Variants in CPQ observed in about 807,000 individuals in gnomAD.
The protein encoded by CPQ is Ser-Met dipeptidase.
A neutral mutation model predicts 45.7 loss-of-function variants in CPQ; 37 were observed. The observed-to-expected ratio is 0.81, with a 90% confidence interval of 0.62 to 1.07. The LOEUF is 1.07. Among genes scored for constraint, CPQ ranks in the 50% least tolerant of loss-of-function variants. The pLI is 0.00. For synonymous variants in CPQ, 186 were observed against 205.8 expected (o/e 0.90, Z 0.82); for missense variants, 537 against 572.9 (o/e 0.94, Z 0.64).
chr8:96,649,131 A>G (rs1363438268), intron 1 of CPQ, among the ~76,000 whole-genome samples: 2 of 152,144 alleles, frequency 1.3e-5, no homozygotes, highest in Admixed American at 6.5e-5. Context: ...ACACACCACT[A>G]CAGCCTGGCT....
At position 96,744,455 on chromosome 8, in the gene CPQ, G is replaced by A. The variant is rs538084191; in HGVS notation, c.-34-40409G>A. ...CTGTCTTCTGCGTCGGTCATGCTGG[G>A]AGCTGTAGACCGGAGGTGTTCCTAT... On this transcript the variant is annotated intron_variant, in intron 1 of 7. Coordinates refer to ENST00000220763, the MANE Select transcript of CPQ (RefSeq NM_016134.4). 3.9e-5 allele frequency among the ~76,000 whole-genome samples: 6 copies of A among 152,310 alleles called. No homozygotes were observed. The South Asian group carries it at 1.2e-3, about 32-fold the overall frequency.
intron 5 of CPQ, among the ~76,000 whole-genome samples, chr8:96,991,019 T>A (rs1442666626): frequency 1.3e-5 from 2 of 152,140 alleles, no homozygotes; most frequent in Non-Finnish European, 1.5e-5. Flanking sequence ...TCTTTTCCCA[T>A]CCTAGTTTGT....
intron 4 of CPQ, among the ~76,000 whole-genome samples, chr8:96,938,026 C>T (rs1813077093): frequency 6.6e-6 from 1 of 152,176 alleles, no homozygotes; most frequent in Admixed American, 6.5e-5. Flanking sequence ...TTACATGACA[C>T]TTTCCTCTTA....
At chr8:96,801,031 A>G (rs542389080) in intron 2 of CPQ, among the ~76,000 whole-genome samples, 1 of 148,878 alleles carries the variant, frequency 6.7e-6, no homozygotes, top group South Asian at 2.1e-4. Flanking sequence ...GCTGGAGTGC[A>G]GTGGCATGAT....
At chr8:97,031,719 A>G (rs1809910903) in intron 6 of CPQ, among the ~76,000 whole-genome samples, 1 of 152,260 alleles carries the variant, frequency 6.6e-6, no homozygotes, top group Non-Finnish European at 1.5e-5. Context: ...TCACATAAAC[A>G]GAACTACTTT....
chr8:96,796,749 T>C (rs1810935291), intron 2 of CPQ, among the ~76,000 whole-genome samples: 1 of 152,194 alleles, frequency 6.6e-6, no homozygotes, highest in Admixed American at 6.5e-5. Context: ...TTGAGCTGTG[T>C]ATATGGATTG....
chr8:96,964,166 T>C (rs1813513615), intron 4 of CPQ, among the ~76,000 whole-genome samples: 1 of 115,218 alleles, frequency 8.7e-6, no homozygotes, highest in East Asian at 2.6e-4. Flanking sequence ...CTTTTTTGGT[T>C]AAAGTATACA....
chr8:96,800,390 T>G (rs1810990654), intron 2 of CPQ, among the ~76,000 whole-genome samples: 1 of 152,186 alleles, frequency 6.6e-6, no homozygotes, highest in Non-Finnish European at 1.5e-5. Flanking sequence ...TTGGTGGGTG[T>G]GAAGCATGGT....
intron 6 of CPQ, among the ~76,000 whole-genome samples, chr8:97,042,452 A>AG (rs1166378444): frequency 6.6e-6 from 1 of 151,994 alleles, no homozygotes; most frequent in East Asian, 1.9e-4. Flanking sequence ...GGATTCATTA[A>AG]TTTTTTGAAG....
At chr8:96,953,303 C>T (rs1366663046) in intron 4 of CPQ, among the ~76,000 whole-genome samples, 1 of 152,060 alleles carries the variant, frequency 6.6e-6, no homozygotes, top group Non-Finnish European at 1.5e-5. Context: ...GTTCCTTGCA[C>T]CTCTGCTTGA....
At chr8:96,710,121 G>T (rs1809587207) in intron 1 of CPQ, among the ~76,000 whole-genome samples, 2 of 152,016 alleles carry the variant, frequency 1.3e-5, no homozygotes, top group South Asian at 2.1e-4. Context: ...AGCTAGGAGG[G>T]TTGTATATTT....
intron 1 of CPQ, among the ~76,000 whole-genome samples, chr8:96,684,670 A>G (rs1302047306): frequency 6.6e-6 from 1 of 152,136 alleles, no homozygotes; most frequent in East Asian, 1.9e-4. Context: ...AGTGGCAGCA[A>G]GAGGGATGGG....
Position 97,043,270 on chromosome 8 carries a change from T to C in CPQ, c.1053+13776T>C, listed in dbSNP as rs1485109790. ...CTTCTTTGTCTCTTTTGATCTTTGTTGGTTTAAAGTCTGTTTTATCAGAGA... is the reference window on the plus strand; with the variant it reads ...CTTCTTTGTCTCTTTTGATCTTTGTCGGTTTAAAGTCTGTTTTATCAGAGA... On this transcript the variant is annotated intron_variant, in intron 6 of 7. Transcript: ENST00000220763. 2.6e-5 allele frequency among the ~76,000 whole-genome samples: 4 copies of C among 151,768 alleles called. No homozygotes were observed. The East Asian group carries it at 7.7e-4, about 29-fold the overall frequency.
In CPQ at chr8:96,989,857, G is replaced by A. The variant is rs368008141; in HGVS notation, c.961+23811G>A. 5.3e-5 allele frequency among the ~76,000 whole-genome samples: 8 copies of A among 152,216 alleles called. No individual in the cohort carries two copies. The East Asian group carries it at 1.2e-3, about 22-fold the overall frequency. ...CAAAGATTGCCTAGTGGAACAATAT[G>A]ATTGTTCATGTGAATAAACTGAAAC... On this transcript the variant is annotated intron_variant, in intron 5 of 7. Coordinates refer to ENST00000220763, the MANE Select transcript of CPQ (RefSeq NM_016134.4).
At chr8:96,973,820 G>C (rs1813724231) in intron 5 of CPQ, among the ~76,000 whole-genome samples, 1 of 152,162 alleles carries the variant, frequency 6.6e-6, no homozygotes, top group East Asian at 1.9e-4. Flanking sequence ...AACAAATGCT[G>C]AGAGAATTCA....
At chr8:96,833,937 T>C (rs1224742976) in intron 2 of CPQ, among the ~76,000 whole-genome samples, 1 of 152,216 alleles carries the variant, frequency 6.6e-6, no homozygotes, top group African/African-American at 2.4e-5. Context: ...GAAAAACTTA[T>C]TTCTCTAGTT....
intron 4 of CPQ, among the ~76,000 whole-genome samples, chr8:96,928,267 C>G (rs1812919516): frequency 6.6e-6 from 1 of 151,834 alleles, no homozygotes. Context: ...AGAATGTAAA[C>G]CAAAGCAATT....
At chr8:96,663,652 TAGAGA>T (rs1175032414) in intron 1 of CPQ, among the ~76,000 whole-genome samples, 3 of 152,218 alleles carry the variant, frequency 2.0e-5, no homozygotes, top group Non-Finnish European at 4.4e-5. Context: ...GCAGTTGAGA[TAGAGA>T]AAAGAGCAGT....
intron 1 of CPQ, among the ~76,000 whole-genome samples, chr8:96,668,990 T>C (rs1330661160): frequency 6.6e-6 from 1 of 151,988 alleles, no homozygotes; most frequent in African/African-American, 2.4e-5. Flanking sequence ...ACAGAAAAAA[T>C]TGTGGCCCCA....
Sources: allele counts gnomAD v4.1 joint callset (sites outside exome capture counted in the v4.1 genomes callset), GRCh38; gene constraint gnomAD v4.1.1; transcripts MANE v1.5; gene names NCBI Gene and HGNC (gene_info 2026-07-23, HGNC 2026-07-21).